Variants in PCDHA2 observed in about 807,000 individuals in gnomAD.
The protein encoded by PCDHA2 is protocadherin alpha 2, also known as protocadherin alpha-2.
A neutral mutation model predicts 66.0 loss-of-function variants in PCDHA2; 58 were observed. The ratio of observed to expected loss-of-function variants is 0.88; its 90% CI spans 0.71 to 1.09. The LOEUF is 1.09. Among genes scored for constraint, PCDHA2 ranks in the 50% least tolerant of loss-of-function variants. The pLI is 0.00. For missense variants in PCDHA2, 1,267 were observed against 1,242.3 expected, an observed-to-expected ratio of 1.02 and a Z score of -0.30; for synonymous variants, 634 against 554.0, an observed-to-expected ratio of 1.14 and a Z score of -2.03.
chr5:140,828,274 G>A (rs1554131158), intron 1 of PCDHA2: 4 of 1,613,956 alleles, frequency 2.5e-6, no homozygotes, highest in African/African-American at 1.3e-5. Flanking sequence ...AGCTGGTGCC[G>A]CGCCTGTTCA....
chr5:140,842,466 A>C, intron 1 of PCDHA2: 1 of 1,613,912 alleles, frequency 6.2e-7, no homozygotes, highest in Non-Finnish European at 8.5e-7. Context: ...TCAGGTGCCA[A>C]CGGGCAGGTG....
rs535420158 is a variant in PCDHA2, at chr5:140,966,438, T to TC, written c.2389-12508dup. Reference sequence around the variant, plus strand: ...AGGACTTGCTGAGCCCTCCTACCGCTCCCTTTCCCCCTCCCCCTCTGTCTT... The same window carrying TC: ...AGGACTTGCTGAGCCCTCCTACCGCTCCCCTTTCCCCCTCCCCCTCTGTCTT... On this transcript the variant is annotated intron_variant, in intron 1 of 3. Transcript: ENST00000526136. 1.4e-5 allele frequency: 6 copies of TC among 422,688 alleles called. No homozygotes were observed. The East Asian group carries it at 1.4e-4, about 10-fold the overall frequency. 26.2% of individuals were successfully genotyped at this position (422,688 alleles called of 1,614,324 possible).
intron 2 of PCDHA2, chr5:140,982,212 C>A: frequency 2.1e-6 from 1 of 479,448 alleles, no homozygotes; most frequent in Non-Finnish European, 3.3e-6. Flanking sequence ...GTGAGCGCCA[C>A]ATGGCGTTAA....
At chr5:140,848,770 G>A in intron 1 of PCDHA2, 1 of 1,593,518 alleles carries the variant, frequency 6.3e-7, no homozygotes, top group Non-Finnish European at 8.6e-7. Flanking sequence ...CGGATCGACC[G>A]CGAGGAGCTG....
At chr5:140,931,269 C>T (rs1253190149) in intron 1 of PCDHA2, among the ~76,000 whole-genome samples, 1 of 152,006 alleles carries the variant, frequency 6.6e-6, no homozygotes, top group Non-Finnish European at 1.5e-5. Context: ...CTATTTATTT[C>T]TTTTATTTTC....
At chr5:140,980,189 A>T (rs2096879459) in intron 2 of PCDHA2, among the ~76,000 whole-genome samples, 1 of 152,226 alleles carries the variant, frequency 6.6e-6, no homozygotes, top group African/African-American at 2.4e-5. Context: ...CTTTATATTT[A>T]TTAGAGACCA....
At chr5:140,968,982 C>G in intron 1 of PCDHA2, 1 of 1,614,226 alleles carries the variant, frequency 6.2e-7, no homozygotes, top group Non-Finnish European at 8.5e-7. Flanking sequence ...GCGTATGGCA[C>G]TGCATGCTGT....
chr5:140,941,214 C>CCTTCCTTTCTTTCTTT (rs1554214040), intron 1 of PCDHA2, among the ~76,000 whole-genome samples: 12 of 122,414 alleles, frequency 9.8e-5, no homozygotes, highest in Admixed American at 6.8e-4. Flanking sequence ...TTTCTTTCTT[C>CCTTCCTTTCTTTCTTT]CTTTCTTTCT....
At chr5:140,871,649 G>T (rs781859029) in intron 1 of PCDHA2, 1 of 1,265,824 alleles carries the variant, frequency 7.9e-7, no homozygotes, top group Admixed American at 2.9e-5. Flanking sequence ...AATACCAAAT[G>T]ATACACATCT....
At chr5:140,883,570 G>T (rs1554178743) in intron 1 of PCDHA2, 1 of 1,614,098 alleles carries the variant, frequency 6.2e-7, no homozygotes, top group South Asian at 1.1e-5. Context: ...GCTCGCCTTC[G>T]CTGTGGGCCA....
chr5:140,969,803 T>G, intron 1 of PCDHA2, among the ~76,000 whole-genome samples: 1 of 152,248 alleles, frequency 6.6e-6, no homozygotes, highest in South Asian at 2.1e-4. Context: ...ATCTGCTGTC[T>G]CTGTTTATAC....
At chr5:140,890,753 C>G (rs1274674281) in intron 1 of PCDHA2, among the ~76,000 whole-genome samples, 1 of 152,114 alleles carries the variant, frequency 6.6e-6, no homozygotes, top group African/African-American at 2.4e-5. Context: ...TTCTGTCATG[C>G]TTTAAAAATA....
intron 1 of PCDHA2, among the ~76,000 whole-genome samples, chr5:140,944,853 C>G (rs1230548858): frequency 6.6e-6 from 1 of 152,118 alleles, no homozygotes; most frequent in Non-Finnish European, 1.5e-5. Context: ...TTAGAATCAT[C>G]CTTATTTATC....
Sources: allele counts gnomAD v4.1 joint callset (sites outside exome capture counted in the v4.1 genomes callset), GRCh38; gene constraint gnomAD v4.1.1; transcripts MANE v1.5; gene names NCBI Gene and HGNC (gene_info 2026-07-23, HGNC 2026-07-21).